The following ALDH2 variants were observed in gnomAD, a reference collection of about 807,000 sequenced individuals.
The protein encoded by ALDH2 is aldehyde dehydrogenase 2 family member, also known as aldehyde dehydrogenase, mitochondrial.
Under a neutral mutation model 59.6 loss-of-function variants are expected in ALDH2, and 44 were observed. The observed-to-expected ratio is 0.74, with a 90% CI of 0.58 to 0.95. The LOEUF is 0.95. Ranked by LOEUF, ALDH2 falls within the 40% of genes least tolerant of loss-of-function variation. ALDH2 has a pLI of 0.00. For synonymous variants in ALDH2, 291 were observed against 284.0 expected (o/e 1.02, Z -0.25); for missense variants, 570 against 696.3 (o/e 0.82, Z 2.04).
At chr12:111,789,970 C>T in intron 5 of ALDH2, 36 bp downstream of exon 5, 3 of 1,596,008 alleles carry the variant, frequency 1.9e-6, no homozygotes, top group South Asian at 1.1e-5. Flanking sequence ...TTCAGGGTGC[C>T]CTGAGATTTG....
At chr12:111,805,884 G>A (rs1465723094) in intron 12 of ALDH2, among the ~76,000 whole-genome samples, 4 of 151,438 alleles carry the variant, frequency 2.6e-5, no homozygotes, top group African/African-American at 4.9e-5. Context: ...TTAGCTGGGC[G>A]TGGCGGCACA....
intron 7 of ALDH2, 56 bp downstream of exon 7, chr12:111,791,475 C>A: frequency 7.5e-7 from 1 of 1,339,582 alleles, no homozygotes; most frequent in Non-Finnish European, 1.1e-6. Flanking sequence ...TCCCCCTGTC[C>A]TCAGTGGACG....
intron 3 of ALDH2, among the ~76,000 whole-genome samples, chr12:111,783,734 C>T (rs114882964): frequency 0.016 from 2,377 of 152,124 alleles, 71 homozygotes; most frequent in African/African-American, 0.054. Context: ...GGTCTCCAAC[C>T]CTTGGGCTCA....
intron 9 of ALDH2, among the ~76,000 whole-genome samples, chr12:111,793,044 A>G (rs948585386): frequency 2.6e-5 from 4 of 152,120 alleles, no homozygotes; most frequent in Non-Finnish European, 5.9e-5. Context: ...AACAAATACC[A>G]GGAGTGTCTG....
chr12:111,769,048 C>A lies in ALDH2; in HGVS notation c.114+1952C>A, dbSNP rs1367590681. ...TCTGGCCACAGGATCTGATTAAAAT[C>A]TTTATCCTTTATCACATGCAGATGA... On this transcript the variant is annotated intron_variant, in intron 1 of 12. Transcript: ENST00000261733. Among the ~76,000 whole-genome samples the A allele has an allele frequency of 2.0e-5, 3 of 152,178 alleles. No homozygotes were observed. In the East Asian group the frequency reaches 5.8e-4, roughly 29 times the overall value.
intron 1 of ALDH2, among the ~76,000 whole-genome samples, chr12:111,779,340 C>T (rs191944619): frequency 3.9e-4 from 60 of 152,202 alleles, no homozygotes; most frequent in Non-Finnish European, 7.8e-4. Flanking sequence ...CAGGCGCATG[C>T]GACCACACTT....
intron 12 of ALDH2, among the ~76,000 whole-genome samples, chr12:111,804,531 T>C (rs1269424793): frequency 6.6e-6 from 1 of 152,138 alleles, no homozygotes; most frequent in Non-Finnish European, 1.5e-5. Context: ...GGATCACGAA[T>C]GAGGTCAGGA....
chr12:111,776,292 G>A (rs187740161), intron 1 of ALDH2, among the ~76,000 whole-genome samples: 89 of 152,316 alleles, frequency 5.8e-4, no homozygotes, highest in African/African-American at 1.8e-3. Flanking sequence ...TTTAAGCTAC[G>A]AGAGAGCTGC....
At chr12:111,785,545 G>T (rs1397690436) in intron 4 of ALDH2, among the ~76,000 whole-genome samples, 199 bp downstream of exon 4, 1 of 152,102 alleles carries the variant, frequency 6.6e-6, no homozygotes, top group Non-Finnish European at 1.5e-5. Context: ...TCAACATGAT[G>T]AAACCCCATC....
rs2068540625 is a variant in ALDH2, at chr12:111,812,146, A to T, written c.*2571A>T. 1 of 152,230 alleles carries T rather than the reference A, an allele frequency of 6.6e-6. No homozygotes were observed. 9.4% of individuals were successfully genotyped at this position (152,230 alleles called of 1,614,324 possible). A position where few individuals can be genotyped will look rare whatever the true frequency, so the allele number is the denominator to read the frequency against. On this transcript the variant is annotated 3_prime_UTR_variant, in exon 13 of 13. Transcript: ENST00000261733. ...CGTATCAGAGACTTTTAGTACTTTC[A>T]CTAATTTTGCTACTGTTATCTAAAA...
At chr12:111,806,233 C>T (rs1211516773) in intron 12 of ALDH2, among the ~76,000 whole-genome samples, 9 of 151,162 alleles carry the variant, frequency 6.0e-5, no homozygotes, top group Non-Finnish European at 1.0e-4. Context: ...GGAAGAATGG[C>T]GTGAACCCAG....
intron 7 of ALDH2, 141 bp from the exon 8 acceptor site, chr12:111,791,920 C>T (rs767679655): frequency 7.3e-5 from 48 of 661,694 alleles, no homozygotes; most frequent in Non-Finnish European, 1.2e-4. Flanking sequence ...AAAAAGTGAA[C>T]GTCTATTTGG....
intron 12 of ALDH2, among the ~76,000 whole-genome samples, chr12:111,809,127 T>G (rs2068517395): frequency 6.6e-6 from 1 of 152,094 alleles, no homozygotes; most frequent in South Asian, 2.1e-4. Context: ...AAATAGAAAT[T>G]CTGACATCAT....
intron 11 of ALDH2, among the ~76,000 whole-genome samples, chr12:111,801,279 C>T (rs759192272): frequency 1.1e-4 from 16 of 152,318 alleles, no homozygotes; most frequent in Admixed American, 2.0e-4. Flanking sequence ...TCAATTACCT[C>T]CCACAACACG....
intron 9 of ALDH2, among the ~76,000 whole-genome samples, chr12:111,793,338 GCC>G (rs2068377513): frequency 6.6e-6 from 1 of 151,978 alleles, no homozygotes; most frequent in East Asian, 1.9e-4. Flanking sequence ...TCCTGCTTTG[GCC>G]TCTCAAAGTG....
chr12:111,792,627 G>T lies in ALDH2; in HGVS notation c.928G>T (p.Ala310Ser), dbSNP rs534531260. The change falls in exon 9 of 13, where the codon GCC (alanine) becomes TCC (serine). Residue 310 changes from alanine (A) to serine (S), a missense_variant. By Grantham distance (99) the Ala-to-Ser change is moderately conservative. Transcript: ENST00000261733. ...TTGGGCCGTGGAACAGGCCCACTTCGCCCTGTTCTTCAACCAGGGCCAGTG... is the reference window on the plus strand; with the variant it reads ...TTGGGCCGTGGAACAGGCCCACTTCTCCCTGTTCTTCAACCAGGGCCAGTG... ...MDWAVEQAHF[A>S]LFFNQGQCCC... 8.1e-6 allele frequency: 13 copies of T among 1,612,770 alleles called. 1 individual carries two copies. In the East Asian group the frequency reaches 1.3e-4, roughly 17 times the overall value.
chr12:111,803,281 C>CA lies in ALDH2; in HGVS notation c.1407-566dup, dbSNP rs59141978. 2.7e-3 allele frequency among the ~76,000 whole-genome samples: 371 copies of CA among 135,408 alleles called. 1 individual carries two copies. Among genetic ancestry groups the CA allele is most frequent in the East Asian group, 0.012 (58 of 4,722 alleles). 88.8% of individuals were successfully genotyped at this position (135,408 alleles called of 152,430 possible). ...AAAATTTAATAATTTTTTTAAATTGCAAAAAAAAAAAATGAAAGAAAAGAA... is the reference window on the plus strand; with the variant it reads ...AAAATTTAATAATTTTTTTAAATTGCAAAAAAAAAAAAATGAAAGAAAAGAA... On this transcript the variant is annotated intron_variant, in intron 11 of 12. Transcript: ENST00000261733.
chr12:111,798,499 A>G (rs1475243852), intron 10 of ALDH2, among the ~76,000 whole-genome samples: 3 of 152,078 alleles, frequency 2.0e-5, no homozygotes, highest in African/African-American at 7.2e-5. Context: ...TGGCCCTCAG[A>G]GCCAGGAGTC....
chr12:111,798,050 C>T, intron 9 of ALDH2, 28 bp from the exon 10 acceptor site: 1 of 1,613,932 alleles, frequency 6.2e-7, no homozygotes, highest in Non-Finnish European at 8.5e-7. Flanking sequence ...TCCGATGTCT[C>T]CATAACTCTG....
Sources: gnomAD v4.1 joint callset for allele counts (sites outside exome capture counted in the v4.1 genomes callset) on GRCh38, gnomAD v4.1.1 for gene constraint, MANE v1.5 for transcripts, NCBI Gene and HGNC (gene_info 2026-07-23, HGNC 2026-07-21) for gene names.